Variants in HNRNPAB observed in about 807,000 individuals in gnomAD.
HNRNPAB encodes the protein ABBP-1.
Under a neutral mutation model 44.1 loss-of-function variants are expected in HNRNPAB, and 17 were observed. That is an observed-to-expected ratio of 0.39 (90% CI 0.26 to 0.58). The LOEUF (loss-of-function observed/expected upper bound fraction) is 0.58. Among genes scored for constraint, HNRNPAB ranks in the 20% least tolerant of loss-of-function variants. The probability of loss-of-function intolerance (pLI) is 0.63; values close to 1 mark genes in which losing one functional copy is unlikely to be tolerated. For missense variants in HNRNPAB, 393 were observed against 432.7 expected (o/e 0.91, Z 0.81); for synonymous variants, 183 against 167.6 (o/e 1.09, Z -0.71).
At position 178,210,651 on chromosome 5, in the gene HNRNPAB, G is replaced by A. The variant is rs375570673; in HGVS notation, c.*28G>A. 8.9e-4 allele frequency: 1,386 copies of A among 1,564,346 alleles called. 5 individuals are homozygous for A. The highest frequency in any genetic ancestry group is 3.5e-3 in the South Asian group (313 of 90,086). On this transcript the variant is annotated 3_prime_UTR_variant, in exon 8 of 8. Coordinates refer to ENST00000358344, the MANE Select transcript of HNRNPAB (RefSeq NM_031266.3). Reference sequence around the variant, plus strand: ...CGGCAGCAGGAGCGACCAACTGATCGCACACATGCTTTGTTTGGATATGGA... The same window carrying A: ...CGGCAGCAGGAGCGACCAACTGATCACACACATGCTTTGTTTGGATATGGA...
At position 178,204,733 on chromosome 5, in the gene HNRNPAB, GCGGCGAGGTGAGCGGCGGC is replaced by G; in HGVS notation, c.-25_-24+17del. ...ACGAGCGGGCCCCGCGGCGTCATCG[GCGGCGAGGTGAGCGGCGGC>G]CGGCGGGCGGGAGCTCTGGCGGGAG... On this transcript the variant is annotated splice_donor_variant and splice_donor_5th_base_variant and 5_prime_UTR_variant and intron_variant, in exon 1 of 8. Transcript: ENST00000358344. LOFTEE classifies it low-confidence loss of function (5UTR_SPLICE). 1.5e-6 allele frequency: 1 copy of G among 648,538 alleles called. No homozygotes were observed. Among genetic ancestry groups the G allele is most frequent in the African/African-American group, 1.9e-5 (1 of 51,668 alleles). 40.2% of individuals were successfully genotyped at this position (648,538 alleles called of 1,614,324 possible).
In HNRNPAB at chr5:178,210,260, G is replaced by C. The variant is rs369576001; in HGVS notation, c.916G>C (p.Gly306Arg). 1 of 1,614,028 alleles carries C rather than the reference G, an allele frequency of 6.2e-7. No individual in the cohort carries two copies. The highest frequency in any genetic ancestry group is 1.7e-5 in the Admixed American group (1 of 60,004). The change falls in exon 7 of 8, where the codon GGC becomes CGC. Residue 306 changes from glycine (G) to arginine (R), a missense_variant. Around this residue, in one of 3 missense-constraint regions of HNRNPAB, gnomAD observed 210 missense variants for 196.9 expected, o/e 1.07. Coordinates refer to ENST00000358344, the MANE Select transcript of HNRNPAB (RefSeq NM_031266.3). ...SPYGYYGYGP[G>R]YDYSQGSTNY... The stretch of plus-strand genomic sequence containing the variant: ...CTATGGCTATTACGGCTACGGCCCC[G>C]GCTACGACTACAGTAAGTAGGAGAG...
chr5:178,205,275 T>TGCCAGG (rs533406836), intron 2 of HNRNPAB, among the ~76,000 whole-genome samples: 1,677 of 151,100 alleles, frequency 0.011, 20 homozygotes, highest in South Asian at 0.018. Context: ...GCTCGCGCGC[T>TGCCAGG]GCCAGGGCCA....
In HNRNPAB at chr5:178,209,434, T is replaced by TGGTGGA; in HGVS notation, c.785_787+3dup. The TGGTGGA allele has an allele frequency of 5.6e-6, 9 of 1,613,398 alleles. No homozygotes were observed. The highest frequency in any genetic ancestry group is 5.4e-5 in the African/African-American group (4 of 74,764). On this transcript the variant is annotated inframe_insertion, in exon 6 of 8. Coordinates refer to ENST00000358344, the MANE Select transcript of HNRNPAB (RefSeq NM_031266.3). ...GAGGGAACCGAGGCAGCGGAGGTGGTGGTGGAGGTGGAGGTGAGTGGAACG... is the reference window on the plus strand; with the variant it reads ...GAGGGAACCGAGGCAGCGGAGGTGGTGGTGGAGGTGGAGGTGGAGGTGAGTGGAACG...
chr5:178,209,257 C>A (rs1757407166), intron 5 of HNRNPAB, 73 bp from the exon 6 acceptor site: 1 of 1,139,418 alleles, frequency 8.8e-7, no homozygotes, highest in Non-Finnish European at 1.3e-6. Flanking sequence ...ATGTTTGTCG[C>A]AGTGAAGGTG....
In HNRNPAB at chr5:178,210,776, T is replaced by TTGAC; in HGVS notation, c.*155_*158dup. The TTGAC allele has an allele frequency of 1.5e-6, 1 of 668,706 alleles. No individual in the cohort carries two copies. The highest frequency in any genetic ancestry group is 2.7e-6 in the Non-Finnish European group (1 of 371,862). The allele number at this position is 668,706 out of a possible 1,614,324, so 41.4% of individuals were successfully genotyped here. Reference sequence around the variant, plus strand: ...TTCCCCCATGGAAATCACTCTCCTGTTGACTATTTCCAGAGCTCTAGGTGT... The same window carrying TTGAC: ...TTCCCCCATGGAAATCACTCTCCTGTTGACTGACTATTTCCAGAGCTCTAGGTGT... On this transcript the variant is annotated 3_prime_UTR_variant, in exon 8 of 8. Coordinates refer to ENST00000358344, the MANE Select transcript of HNRNPAB (RefSeq NM_031266.3).
chr5:178,205,579 A>G (rs991484977), intron 2 of HNRNPAB: 3 of 383,918 alleles, frequency 7.8e-6, no homozygotes, highest in Non-Finnish European at 1.4e-5. Flanking sequence ...TCCAGTTATG[A>G]GTGGTTAGGT....
Position 178,210,662 on chromosome 5 carries a change from T to G in HNRNPAB, c.*39T>G. The G allele has an allele frequency of 6.6e-7, 1 of 1,504,386 alleles. No homozygotes were observed. Among genetic ancestry groups the G allele is most frequent in the South Asian group, 1.1e-5 (1 of 88,894 alleles). The allele number at this position is 1,504,386 out of a possible 1,614,324, so 93.2% of individuals were successfully genotyped here. ...GCGACCAACTGATCGCACACATGCT[T>G]TGTTTGGATATGGAGTGAACACAAT... On this transcript the variant is annotated 3_prime_UTR_variant, in exon 8 of 8. Transcript: ENST00000358344.
Position 178,209,363 on chromosome 5 carries a change from T to TATCA in HNRNPAB, c.704_707dup (p.Gln237SerfsTer78), listed in dbSNP as rs1561667818. The TATCA allele has an allele frequency of 6.2e-7, 1 of 1,614,074 alleles. No homozygotes were observed. The highest frequency in any genetic ancestry group is 8.5e-7 in the Non-Finnish European group (1 of 1,179,988). On this transcript the variant is annotated frameshift_variant, in exon 6 of 8. Transcript: ENST00000358344. LOFTEE classifies it high-confidence loss of function. The stretch of plus-strand genomic sequence containing the variant: ...CAAGGTGGCCCAGCCCAAAGAAGTC[T>TATCA]ATCAGCAGCAGCAGTATGGCTCTGG...
chr5:178,210,059 C>T, intron 6 of HNRNPAB, 73 bp from the exon 7 acceptor site: 3 of 1,579,590 alleles, frequency 1.9e-6, no homozygotes, highest in East Asian at 2.2e-5. Flanking sequence ...CCCCAAAGGG[C>T]AGGATTTCCT....
chr5:178,205,926 CTG>C lies in HNRNPAB; in HGVS notation c.296_297del (p.Cys99TyrfsTer42), dbSNP rs758862989. ...YFTKFGEVVD[C>X]TIKMDPNTGR... is the part of the protein sequence containing the mutation. ...TTACTAAATTTGGAGAGGTCGTTGA[CTG>C]TACAATAAAAATGGATCCCAACACT... On this transcript the variant is annotated frameshift_variant, in exon 3 of 8. Transcript: ENST00000358344. LOFTEE classifies it high-confidence loss of function. The C allele has an allele frequency of 6.2e-7, 1 of 1,613,898 alleles. No individual in the cohort carries two copies. The highest frequency in any genetic ancestry group is 8.5e-7 in the Non-Finnish European group (1 of 1,179,908).
In HNRNPAB at chr5:178,211,070, TGTATTGTAAG is replaced by T. The variant is rs1232129599; in HGVS notation, c.*453_*462del. ...TTTTTGGTACCTTTTGGGAATCTAA[TGTATTGTAAG>T]GTATTTTACACGTGTCCTGATTTTG... On this transcript the variant is annotated 3_prime_UTR_variant, in exon 8 of 8. Transcript: ENST00000358344. 2 of 188,320 alleles carry T rather than the reference TGTATTGTAAG, an allele frequency of 1.1e-5. No individual in the cohort carries two copies. Among genetic ancestry groups the T allele is most frequent in the African/African-American group, 2.4e-5 (1 of 41,892 alleles). The allele number at this position is 188,320 out of a possible 1,614,324, so 11.7% of individuals were successfully genotyped here.
At chr5:178,207,824 T>A (rs1317605431) in intron 5 of HNRNPAB, among the ~76,000 whole-genome samples, 1 of 149,994 alleles carries the variant, frequency 6.7e-6, no homozygotes, top group African/African-American at 2.5e-5. Context: ...CATCTCAGCC[T>A]CTCGAGTAGC....
intron 5 of HNRNPAB, among the ~76,000 whole-genome samples, chr5:178,208,140 A>C (rs1334236781): frequency 6.6e-6 from 1 of 152,150 alleles, no homozygotes. Context: ...GGTCAGGGAA[A>C]GGGTAGTTCA....
chr5:178,204,887 A>C lies in HNRNPAB; in HGVS notation c.50A>C (p.Glu17Ala). 1 of 1,212,322 alleles carries C rather than the reference A, an allele frequency of 8.2e-7. No individual in the cohort carries two copies. Among genetic ancestry groups the C allele is most frequent in the Non-Finnish European group, 1.0e-6 (1 of 975,362 alleles). 75.1% of individuals were successfully genotyped at this position (1,212,322 alleles called of 1,614,324 possible). The change falls in exon 2 of 8, where the codon GAG (glutamate) becomes GCG (alanine). Residue 17 changes from glutamate to alanine, a missense_variant. By Grantham distance (107) the Glu-to-Ala change is moderately radical. Coordinates refer to ENST00000358344, the MANE Select transcript of HNRNPAB (RefSeq NM_031266.3). ...CCCATGGAGACGACGGGCGCCACCG[A>C]GAACGGACATGAGGCCGTCCCCGAA... ...EQPMETTGAT[E>A]NGHEAVPEGE...
intron 3 of HNRNPAB, 91 bp from the exon 4 acceptor site, chr5:178,206,641 T>G: frequency 7.9e-7 from 1 of 1,270,082 alleles, no homozygotes; most frequent in Non-Finnish European, 1.1e-6. Context: ...AACACATGTT[T>G]GTATCTGTAC....
Position 178,209,430 on chromosome 5 carries a change from G to A in HNRNPAB, c.770G>A (p.Gly257Asp). ...AACCGAGGGAACCGAGGCAGCGGAG[G>A]TGGTGGTGGAGGTGGAGGTGAGTGG... ...NRNRGNRGSG[G>D]GGGGGGQSQS... Residue 257 changes from glycine (G) to aspartate (D), a missense_variant, in exon 6 of 8, where the codon GGT becomes GAT. Gly to Asp is a moderately conservative substitution (Grantham distance 94). Around this residue, in one of 3 missense-constraint regions of HNRNPAB, gnomAD observed 210 missense variants for 196.9 expected, o/e 1.07. Coordinates refer to ENST00000358344, the MANE Select transcript of HNRNPAB (RefSeq NM_031266.3). 1 of 1,614,020 alleles carries A rather than the reference G, an allele frequency of 6.2e-7. No individual in the cohort carries two copies. The highest frequency in any genetic ancestry group is 8.5e-7 in the Non-Finnish European group (1 of 1,179,912).
rs1274461121 is a variant in HNRNPAB at position 178,210,717 on chromosome 5, C to A, written c.*94C>A. On this transcript the variant is annotated 3_prime_UTR_variant, in exon 8 of 8. Coordinates refer to ENST00000358344, the MANE Select transcript of HNRNPAB (RefSeq NM_031266.3). ...TACCAAATTTAACTTGGCAAACTTT[C>A]TATTGCCTGTCCCATGTGCATCTTA... 1.1e-6 allele frequency: 1 copy of A among 930,270 alleles called. No homozygotes were observed. Among genetic ancestry groups the A allele is most frequent in the Non-Finnish European group, 1.8e-6 (1 of 570,112 alleles). The allele number at this position is 930,270 out of a possible 1,614,324, so 57.6% of individuals were successfully genotyped here.
rs1034123507 is a variant in HNRNPAB at position 178,205,070 on chromosome 5, G to T, written c.209+24G>T. The T allele has an allele frequency of 1.2e-5, 14 of 1,198,374 alleles. No individual in the cohort carries two copies. The Admixed American group carries it at 4.0e-4, about 34-fold the overall frequency. 74.2% of individuals were successfully genotyped at this position (1,198,374 alleles called of 1,614,324 possible). A position where few individuals can be genotyped will look rare whatever the true frequency, so the allele number is the denominator to read the frequency against. On this transcript the variant is annotated intron_variant, in intron 2 of 7. Transcript: ENST00000358344. ...GGGTAGGTGCGGCCGCGGGCGGACG[G>T]GGGCGCCGCCTTTGTTCCGGGGCCG...
Sources: gnomAD v4.1 joint callset for allele counts (sites outside exome capture counted in the v4.1 genomes callset) on GRCh38, gnomAD v4.1.1 for gene constraint, gnomAD v4.1.1 regional missense constraint, MANE v1.5 for transcripts, NCBI Gene and HGNC (gene_info 2026-07-23, HGNC 2026-07-21) for gene names.